MAD1L1: variants seen among roughly 807,000 people sequenced by gnomAD.
The protein encoded by MAD1L1 is mitotic spindle assembly checkpoint protein MAD1.
In MAD1L1, 95 loss-of-function variants were observed where a neutral mutation model predicts 96.9. The ratio of observed to expected loss-of-function variants is 0.98; its 90% CI spans 0.83 to 1.16. The LOEUF (loss-of-function observed/expected upper bound fraction) is 1.16, where lower values mean the gene tolerates loss of function less well. Ranked by LOEUF, MAD1L1 falls within the 50% of genes most tolerant of loss-of-function variation. The pLI, the probability that MAD1L1 is intolerant of heterozygous loss-of-function variation, is 0.00. For synonymous variants in MAD1L1, 473 were observed against 396.6 expected (o/e 1.19, Z -2.29); for missense variants, 1,007 against 954.4 (o/e 1.06, Z -0.73).
At chr7:2,221,207 T>C (rs1667048760) in intron 5 of MAD1L1, among the ~76,000 whole-genome samples, 1 of 151,844 alleles carries the variant, frequency 6.6e-6, no homozygotes, top group Admixed American at 6.6e-5. Flanking sequence ...CCTCTGCCCC[T>C]CATGAAGTGC....
chr7:1,871,678 C>T (rs945654760), intron 18 of MAD1L1, among the ~76,000 whole-genome samples: 12 of 150,590 alleles, frequency 8.0e-5, no homozygotes, highest in African/African-American at 2.7e-4. Flanking sequence ...ACGCCTGCCA[C>T]GCTGAACCCA....
At chr7:2,007,506 A>ACCCCGCC (rs57193072) in intron 13 of MAD1L1, among the ~76,000 whole-genome samples, 1 of 151,280 alleles carries the variant, frequency 6.6e-6, no homozygotes, top group East Asian at 1.9e-4. Flanking sequence ...ACATGGTGAA[A>ACCCCGCC]TTACTAAAAA....
intron 10 of MAD1L1, among the ~76,000 whole-genome samples, chr7:2,155,802 G>A (rs1789804383): frequency 6.6e-6 from 1 of 152,178 alleles, no homozygotes; most frequent in Non-Finnish European, 1.5e-5. Context: ...TGCTTTTAAT[G>A]ATCTCGGGTG....
At chr7:2,147,560 C>A (rs527284840) in intron 11 of MAD1L1, among the ~76,000 whole-genome samples, 2 of 152,236 alleles carry the variant, frequency 1.3e-5, no homozygotes. Context: ...CGTCTCACCC[C>A]CAAGACCCCA....
At chr7:1,893,549 G>A (rs1786682886) in intron 18 of MAD1L1, among the ~76,000 whole-genome samples, 1 of 152,140 alleles carries the variant, frequency 6.6e-6, no homozygotes, top group South Asian at 2.1e-4. Context: ...GGTGGGGCAG[G>A]GGGCCTGTCT....
chr7:1,925,331 C>A (rs192514258), intron 17 of MAD1L1, among the ~76,000 whole-genome samples: 5 of 152,310 alleles, frequency 3.3e-5, no homozygotes, highest in Admixed American at 3.3e-4. Context: ...TAAAAAGCAT[C>A]CTTCTAAATC....
At chr7:2,018,785 G>A (rs1782654193) in intron 12 of MAD1L1, among the ~76,000 whole-genome samples, 1 of 152,002 alleles carries the variant, frequency 6.6e-6, no homozygotes, top group Admixed American at 6.5e-5. Flanking sequence ...CTCCCGCCCG[G>A]CCTCTGCCAC....
Position 2,222,759 on chromosome 7 carries a change from T to TA in MAD1L1, c.292-6dup, listed in dbSNP as rs770383137. 364 of 1,586,640 alleles carry TA rather than the reference T, an allele frequency of 2.3e-4. No homozygotes were observed. The highest frequency in any genetic ancestry group is 3.0e-4 in the Non-Finnish European group (349 of 1,170,860). On this transcript the variant is annotated splice_region_variant and splice_polypyrimidine_tract_variant and intron_variant, in intron 4 of 18. Coordinates refer to ENST00000265854, the MANE Select transcript of MAD1L1 (RefSeq NM_001013836.2). The stretch of plus-strand genomic sequence containing the variant: ...CTGGTTGCGGTCGACCTCACGCTGT[T>TA]AAGAGAGCAAGAGTCAGATGCCACG...
intron 12 of MAD1L1, among the ~76,000 whole-genome samples, chr7:2,063,185 C>A (rs771238638): frequency 1.3e-5 from 2 of 152,146 alleles, no homozygotes; most frequent in Admixed American, 1.3e-4. Flanking sequence ...TCTTTGCACA[C>A]GCAATGTGTT....
At chr7:2,199,063 G>A (rs1465483467) in intron 10 of MAD1L1, among the ~76,000 whole-genome samples, 2 of 152,220 alleles carry the variant, frequency 1.3e-5, no homozygotes, top group Admixed American at 6.5e-5. Flanking sequence ...CCCTGCCAGA[G>A]TGCACTGGGG....
intron 17 of MAD1L1, among the ~76,000 whole-genome samples, chr7:1,931,055 A>AC (rs143749999): frequency 6.8e-6 from 1 of 148,040 alleles, no homozygotes; most frequent in East Asian, 2.0e-4. Flanking sequence ...CCACGGGAAC[A>AC]CCCCCAACTC....
rs145052154 is a variant in MAD1L1 at position 2,074,636 on chromosome 7, G to A, written c.1074-5298C>T. On this transcript the variant is annotated intron_variant, in intron 11 of 18. Transcript: ENST00000265854. ...CCCCACTTGCCTGCAGGCTGACCCC[G>A]GGCCCTCTCCAGCGCCCCCAGGACA... Among the ~76,000 whole-genome samples, 696 of 152,368 alleles carry A rather than the reference G, an allele frequency of 4.6e-3. 4 individuals are homozygous for A. Among genetic ancestry groups the A allele is most frequent in the Non-Finnish European group, 6.6e-3 (452 of 68,030 alleles).
intron 11 of MAD1L1, among the ~76,000 whole-genome samples, chr7:2,112,372 C>T (rs967467203): frequency 6.6e-6 from 1 of 152,098 alleles, no homozygotes; most frequent in African/African-American, 2.4e-5. Flanking sequence ...CTAAGGGAAC[C>T]ACAAACAAAG....
intron 12 of MAD1L1, among the ~76,000 whole-genome samples, chr7:2,031,353 G>T (rs1037323364): frequency 1.3e-5 from 2 of 152,210 alleles, no homozygotes; most frequent in Non-Finnish European, 2.9e-5. Flanking sequence ...CTGTGGGGGA[G>T]GGGGAAAAGG....
intron 11 of MAD1L1, among the ~76,000 whole-genome samples, chr7:2,145,625 G>T (rs1238339815): frequency 6.6e-6 from 1 of 152,178 alleles, no homozygotes; most frequent in Admixed American, 6.5e-5. Context: ...CTCAAACAAG[G>T]GAGGTGATGG....
chr7:2,117,777 A>T (rs1787785126), intron 11 of MAD1L1, among the ~76,000 whole-genome samples: 1 of 152,196 alleles, frequency 6.6e-6, no homozygotes, highest in African/African-American at 2.4e-5. Context: ...TAGCACTGTG[A>T]GAGTGAACTA....
rs373561501 is a variant in MAD1L1, at chr7:1,960,736, T to C, written c.1506-3017A>G. ...TCAGTATCCCTCTCTCAATAGCTGA[T>C]AGAACAACGGGCAAAAAATCAGGAG... is the stretch of plus-strand genomic sequence containing the variant. On this transcript the variant is annotated intron_variant, in intron 15 of 18. Transcript: ENST00000265854. Among the ~76,000 whole-genome samples, 54 of 152,320 alleles carry C rather than the reference T, an allele frequency of 3.5e-4. No individual in the cohort carries two copies. In the South Asian group the frequency reaches 0.01, roughly 29 times the overall value.
At chr7:1,868,047 T>C (rs1784863053) in intron 18 of MAD1L1, among the ~76,000 whole-genome samples, 1 of 152,096 alleles carries the variant, frequency 6.6e-6, no homozygotes, top group African/African-American at 2.4e-5. Flanking sequence ...ACGCCAGCAG[T>C]AATTCCCCTA....
intron 13 of MAD1L1, among the ~76,000 whole-genome samples, chr7:2,010,798 C>T (rs1374457291): frequency 6.6e-6 from 1 of 152,206 alleles, no homozygotes; most frequent in African/African-American, 2.4e-5. Context: ...AGCAGATCCT[C>T]ACCTGCCCCG....
Sources: gnomAD v4.1 joint callset for allele counts (sites outside exome capture counted in the v4.1 genomes callset) on GRCh38, gnomAD v4.1.1 for gene constraint, MANE v1.5 for transcripts, NCBI Gene and HGNC (gene_info 2026-07-23, HGNC 2026-07-21) for gene names.